The following AUTS2 variants were observed in gnomAD, a reference collection of about 807,000 sequenced individuals.
AUTS2 encodes activator of transcription and developmental regulator AUTS2.
Under a neutral mutation model 112.4 loss-of-function variants are expected in AUTS2, and 17 were observed. That is an observed-to-expected ratio of 0.15 (90% confidence interval 0.10 to 0.23). AUTS2 has a LOEUF of 0.23. AUTS2 is among the 10% of genes least tolerant of loss of function. The pLI is 1.00. For missense variants in AUTS2, 1,510 were observed against 1,701.6 expected, an observed-to-expected ratio of 0.89 and a Z score of 1.98; for synonymous variants, 751 against 702.7, an observed-to-expected ratio of 1.07 and a Z score of -1.09.
At chr7:70,637,339 G>A (rs748300401) in intron 5 of AUTS2, among the ~76,000 whole-genome samples, 1 of 152,180 alleles carries the variant, frequency 6.6e-6, no homozygotes, top group Non-Finnish European at 1.5e-5. Context: ...TGTAGATAGG[G>A]TTGAAACCAT....
intron 1 of AUTS2, among the ~76,000 whole-genome samples, chr7:69,611,980 GGCTTTCCACTTTGAATCATTCAA>G (rs939341019): frequency 2.7e-4 from 40 of 150,108 alleles, no homozygotes; most frequent in Non-Finnish European, 4.1e-4. Context: ...TTGGCAATGT[GGCTTTCCACTTTGAATCATTCAA>G]GCTTCAAACT....
intron 1 of AUTS2, among the ~76,000 whole-genome samples, chr7:69,873,218 T>C (rs977147335): frequency 4.6e-5 from 7 of 152,126 alleles, no homozygotes; most frequent in Admixed American, 2.6e-4. Flanking sequence ...AGAACTAGCT[T>C]AACAGAGTGC....
intron 5 of AUTS2, among the ~76,000 whole-genome samples, chr7:70,698,232 C>T (rs1809237579): frequency 6.6e-6 from 1 of 152,184 alleles, no homozygotes; most frequent in South Asian, 2.1e-4. Flanking sequence ...CATAACATTT[C>T]CAAAATAATG....
intron 3 of AUTS2, among the ~76,000 whole-genome samples, chr7:70,122,723 G>A (rs1805748077): frequency 1.3e-5 from 2 of 152,088 alleles, no homozygotes. Context: ...GAAAAGGAAA[G>A]AAAGAAAAAT....
chr7:69,720,707 A>T (rs1798885188), intron 1 of AUTS2, among the ~76,000 whole-genome samples: 1 of 152,192 alleles, frequency 6.6e-6, no homozygotes, highest in Admixed American at 6.5e-5. Flanking sequence ...AGATTTTATA[A>T]GTCAGTATAT....
At chr7:70,063,952 C>A (rs536578143) in intron 2 of AUTS2, among the ~76,000 whole-genome samples, 19 of 152,224 alleles carry the variant, frequency 1.2e-4, no homozygotes, top group African/African-American at 4.3e-4. Context: ...AAGAGTATGC[C>A]TTTTAGTTAC....
At chr7:69,723,881 C>T (rs1415807545) in intron 1 of AUTS2, among the ~76,000 whole-genome samples, 1 of 152,162 alleles carries the variant, frequency 6.6e-6, no homozygotes, top group East Asian at 1.9e-4. Context: ...TCTGCCTCCT[C>T]AGGCTGCAAC....
chr7:70,762,535 T>G (rs2129556889), intron 6 of AUTS2, among the ~76,000 whole-genome samples: 1 of 151,950 alleles, frequency 6.6e-6, no homozygotes, highest in East Asian at 1.9e-4. Context: ...CTCAAAGTGT[T>G]GAGATTACAG....
At chr7:70,711,530 C>G (rs1248912382) in intron 6 of AUTS2, among the ~76,000 whole-genome samples, 1 of 152,188 alleles carries the variant, frequency 6.6e-6, no homozygotes, top group African/African-American at 2.4e-5. Flanking sequence ...GAAACAAACC[C>G]TGGGCGCCGA....
intron 5 of AUTS2, among the ~76,000 whole-genome samples, chr7:70,455,622 C>T (rs1005742678): frequency 1.3e-5 from 2 of 152,054 alleles, no homozygotes; most frequent in African/African-American, 2.4e-5. Context: ...CTGGACATTC[C>T]GATTCAGAAG....
At chr7:70,005,691 C>T (rs184247159) in intron 2 of AUTS2, among the ~76,000 whole-genome samples, 2 of 152,196 alleles carry the variant, frequency 1.3e-5, no homozygotes, top group East Asian at 1.9e-4. Flanking sequence ...AAGAGAGGGG[C>T]ACTTGGGCCT....
At chr7:70,497,550 A>G (rs1044958529) in intron 5 of AUTS2, among the ~76,000 whole-genome samples, 1 of 152,226 alleles carries the variant, frequency 6.6e-6, no homozygotes, top group Non-Finnish European at 1.5e-5. Context: ...GGAGAATAAT[A>G]TCCTCATGCA....
intron 1 of AUTS2, among the ~76,000 whole-genome samples, chr7:69,896,690 A>G (rs1489209857): frequency 6.6e-6 from 1 of 152,186 alleles, no homozygotes; most frequent in Admixed American, 6.5e-5. Flanking sequence ...TGACTAATAC[A>G]TTGGCCACCT....
intron 1 of AUTS2, among the ~76,000 whole-genome samples, chr7:69,784,734 T>A (rs1458532575): frequency 1.3e-5 from 2 of 152,226 alleles, no homozygotes; most frequent in East Asian, 3.8e-4. Flanking sequence ...AGGTTTTCTT[T>A]CTGTGCTTTT....
chr7:69,995,764 G>A (rs928628328), intron 2 of AUTS2, among the ~76,000 whole-genome samples: 1 of 152,106 alleles, frequency 6.6e-6, no homozygotes, highest in African/African-American at 2.4e-5. Flanking sequence ...ATTCCAGGTG[G>A]TGAGTCAGTT....
intron 4 of AUTS2, among the ~76,000 whole-genome samples, chr7:70,405,028 T>C (rs1421086468): frequency 6.6e-6 from 1 of 152,106 alleles, no homozygotes; most frequent in Non-Finnish European, 1.5e-5. Flanking sequence ...GAAAAGTGTA[T>C]AGTTCAGGGG....
intron 2 of AUTS2, among the ~76,000 whole-genome samples, chr7:70,114,194 CAG>C (rs1805234722): frequency 1.3e-5 from 2 of 152,284 alleles, no homozygotes; most frequent in East Asian, 1.9e-4. Context: ...CTTCTCACAA[CAG>C]AGAGTGGGTT....
At chr7:70,700,293 G>A (rs1382025442) in intron 6 of AUTS2, among the ~76,000 whole-genome samples, 2 of 152,160 alleles carry the variant, frequency 1.3e-5, no homozygotes, top group Admixed American at 1.3e-4. Context: ...TTTTCTAGGG[G>A]TGATTTAGTT....
At chr7:70,564,014 G>T (rs1164606953) in intron 5 of AUTS2, among the ~76,000 whole-genome samples, 1 of 152,240 alleles carries the variant, frequency 6.6e-6, no homozygotes, top group South Asian at 2.1e-4. Flanking sequence ...CCTGAGAAAG[G>T]TTTAAGTCGG....
Sources: gnomAD v4.1 joint callset for allele counts (sites outside exome capture counted in the v4.1 genomes callset) on GRCh38, gnomAD v4.1.1 for gene constraint, MANE v1.5 for transcripts, NCBI Gene and HGNC (gene_info 2026-07-23, HGNC 2026-07-21) for gene names.